Variants in KIAA1217 observed in about 807,000 individuals in gnomAD.
The protein encoded by KIAA1217 is KIAA1217, also known as sickle tail protein homolog.
A neutral mutation model predicts 163.9 loss-of-function variants in KIAA1217; 88 were observed. The ratio of observed to expected loss-of-function variants is 0.54; its 90% CI spans 0.45 to 0.64. The LOEUF (loss-of-function observed/expected upper bound fraction) is 0.64, where lower values mean the gene tolerates loss of function less well. KIAA1217 is among the 30% of genes least tolerant of loss of function. The pLI is 0.00. For missense variants in KIAA1217, 2,372 were observed against 2,475.0 expected (o/e 0.96, Z 0.88); for synonymous variants, 903 against 923.1 (o/e 0.98, Z 0.39).
At chr10:24,046,981 C>A (rs1849078151) in intron 2 of KIAA1217, among the ~76,000 whole-genome samples, 1 of 152,206 alleles carries the variant, frequency 6.6e-6, no homozygotes, top group Admixed American at 6.5e-5. Flanking sequence ...TGGCACTCTG[C>A]AATTCAGAAT....
At chr10:23,746,570 C>T (rs1274359630) in intron 1 of KIAA1217, among the ~76,000 whole-genome samples, 1 of 151,984 alleles carries the variant, frequency 6.6e-6, no homozygotes, top group Non-Finnish European at 1.5e-5. Flanking sequence ...ACTACAGGCG[C>T]CCGCCACCAC....
chr10:24,146,598 A>G (rs960687360), intron 2 of KIAA1217, among the ~76,000 whole-genome samples: 1 of 152,154 alleles, frequency 6.6e-6, no homozygotes, highest in African/African-American at 2.4e-5. Flanking sequence ...TGGGAGGATC[A>G]CTTGAGCCCA....
chr10:23,803,104 C>A (rs1836550915), intron 1 of KIAA1217, among the ~76,000 whole-genome samples: 1 of 152,194 alleles, frequency 6.6e-6, no homozygotes, highest in Admixed American at 6.5e-5. Flanking sequence ...ATCAAGGACA[C>A]TTTTCCATGT....
At chr10:24,010,018 G>A (rs939361998) in intron 2 of KIAA1217, among the ~76,000 whole-genome samples, 1 of 151,944 alleles carries the variant, frequency 6.6e-6, no homozygotes, top group African/African-American at 2.4e-5. Flanking sequence ...TGGAAGTTAG[G>A]GGTTGGATAT....
At chr10:24,049,030 CAAAAAAAAA>C (rs59235039) in intron 2 of KIAA1217, among the ~76,000 whole-genome samples, 3 of 86,178 alleles carry the variant, frequency 3.5e-5, no homozygotes, top group African/African-American at 8.8e-5. Context: ...TACTCTGTCT[CAAAAAAAAA>C]AAAAAAAAAA....
At chr10:24,139,947 C>A (rs184921648) in intron 2 of KIAA1217, among the ~76,000 whole-genome samples, 24 of 151,686 alleles carry the variant, frequency 1.6e-4, no homozygotes, top group African/African-American at 5.6e-4. Context: ...TAACAATATA[C>A]TGTTCACAAT....
intron 3 of KIAA1217, among the ~76,000 whole-genome samples, chr10:24,386,658 T>C (rs562624549): frequency 5.1e-4 from 77 of 152,282 alleles, no homozygotes; most frequent in African/African-American, 1.8e-3. Flanking sequence ...ACTGCAGCCT[T>C]GAAGTCCCTG....
intron 9 of KIAA1217, among the ~76,000 whole-genome samples, chr10:24,502,551 C>T (rs2067801889): frequency 6.6e-6 from 1 of 152,184 alleles, no homozygotes; most frequent in African/African-American, 2.4e-5. Flanking sequence ...TAGAGATGTG[C>T]ATCTCTGCAT....
At chr10:24,054,125 G>T (rs1473532808) in intron 2 of KIAA1217, among the ~76,000 whole-genome samples, 2 of 152,182 alleles carry the variant, frequency 1.3e-5, no homozygotes, top group Non-Finnish European at 2.9e-5. Flanking sequence ...GGGTTTAACT[G>T]TGGGCTCTGT....
At chr10:24,517,389 G>A (rs763656725) in intron 10 of KIAA1217, among the ~76,000 whole-genome samples, 3 of 151,982 alleles carry the variant, frequency 2.0e-5, no homozygotes, top group Non-Finnish European at 2.9e-5. Flanking sequence ...TTAAGGTGAC[G>A]GATATCCCAA....
intron 2 of KIAA1217, among the ~76,000 whole-genome samples, chr10:24,357,677 C>T (rs1337000916): frequency 2.6e-5 from 4 of 152,192 alleles, no homozygotes; most frequent in Non-Finnish European, 4.4e-5. Context: ...ACTTAAGTTT[C>T]GTGTTCCAAG....
intron 1 of KIAA1217, among the ~76,000 whole-genome samples, chr10:23,824,836 G>A (rs1837824459): frequency 6.6e-6 from 1 of 151,528 alleles, no homozygotes; most frequent in Non-Finnish European, 1.5e-5. Context: ...ATTTTCCTAA[G>A]ACAGCTCCAG....
At chr10:24,484,239 A>ATTT (rs1554896420) in intron 6 of KIAA1217, among the ~76,000 whole-genome samples, 40 of 86,174 alleles carry the variant, frequency 4.6e-4, no homozygotes, top group Non-Finnish European at 7.8e-4. Flanking sequence ...ATATATATAT[A>ATTT]TATTTTTTTT....
intron 2 of KIAA1217, among the ~76,000 whole-genome samples, chr10:24,356,695 T>C (rs184821757): frequency 6.6e-6 from 1 of 152,342 alleles, no homozygotes; most frequent in East Asian, 1.9e-4. Context: ...CCCTCCTCTG[T>C]CACTCACACA....
At chr10:24,146,606 C>A (rs1243518718) in intron 2 of KIAA1217, among the ~76,000 whole-genome samples, 1 of 152,050 alleles carries the variant, frequency 6.6e-6, no homozygotes, top group Non-Finnish European at 1.5e-5. Flanking sequence ...TCACTTGAGC[C>A]CAGAAGGTCA....
intron 2 of KIAA1217, among the ~76,000 whole-genome samples, chr10:24,318,499 T>C (rs750948544): frequency 2.0e-5 from 3 of 152,174 alleles, no homozygotes; most frequent in Admixed American, 1.3e-4. Flanking sequence ...TCCCAGCAGA[T>C]TGTGGATTTG....
chr10:23,979,997 C>CT (rs1221075509), intron 1 of KIAA1217, among the ~76,000 whole-genome samples: 1 of 151,728 alleles, frequency 6.6e-6, no homozygotes, highest in Non-Finnish European at 1.5e-5. Flanking sequence ...GATTGTTTTT[C>CT]TTTTACAGCA....
intron 2 of KIAA1217, among the ~76,000 whole-genome samples, chr10:24,068,553 AG>A (rs1262472762): frequency 6.6e-6 from 1 of 152,190 alleles, no homozygotes; most frequent in Non-Finnish European, 1.5e-5. Flanking sequence ...ATATCTATAA[AG>A]TAGAAAAAAC....
chr10:24,544,479 A>G lies in KIAA1217; in HGVS notation c.5209A>G (p.Lys1737Glu). ...PPTSIPSASRKGSSGAPQTSR... is the reference protein window; with the variant it reads ...PPTSIPSASREGSSGAPQTSR... Reference sequence around the variant, plus strand: ...TACGTCGATACCTTCAGCTTCACGTAAGGTATCTTGGTCTGCTGGAAAATG... The same window carrying G: ...TACGTCGATACCTTCAGCTTCACGTGAGGTATCTTGGTCTGCTGGAAAATG... The change falls in exon 19 of 21, where the codon AAG becomes GAG. Residue 1737 changes from lysine to glutamate, a missense_variant and splice_region_variant. By Grantham distance (56) the Lys-to-Glu change is moderately conservative. Coordinates refer to ENST00000376454, the MANE Select transcript of KIAA1217 (RefSeq NM_019590.5). The G allele has an allele frequency of 6.2e-7, 1 of 1,608,348 alleles. No individual in the cohort carries two copies. Among genetic ancestry groups the G allele is most frequent in the Non-Finnish European group, 8.5e-7 (1 of 1,176,652 alleles).
Sources: gnomAD v4.1 joint callset for allele counts (sites outside exome capture counted in the v4.1 genomes callset) on GRCh38, gnomAD v4.1.1 for gene constraint, MANE v1.5 for transcripts, NCBI Gene and HGNC (gene_info 2026-07-23, HGNC 2026-07-21) for gene names.